Variants in RGS9 observed in about 807,000 individuals in gnomAD.
The protein encoded by RGS9 is regulator of G protein signaling 9.
RGS9 carries 78 observed loss-of-function variants against 102.0 expected under a neutral mutation model. That is an observed-to-expected ratio of 0.76 (90% CI 0.64 to 0.92). The LOEUF (loss-of-function observed/expected upper bound fraction) is 0.92. RGS9 is among the 40% of genes least tolerant of loss of function. The pLI is 0.00. For synonymous variants in RGS9, 353 were observed against 318.6 expected, an observed-to-expected ratio of 1.11 and a Z score of -1.15; for missense variants, 833 against 866.1, an observed-to-expected ratio of 0.96 and a Z score of 0.48.
chr17:65,148,915 T>C (rs1169894578), intron 1 of RGS9, among the ~76,000 whole-genome samples: 1 of 152,150 alleles, frequency 6.6e-6, no homozygotes, highest in Non-Finnish European at 1.5e-5. Context: ...CTTAATCTCA[T>C]TTAGTCTTTG....
chr17:65,227,176 C>G (rs1905725579), intron 18 of RGS9, 99 bp from the exon 19 acceptor site: 1 of 1,549,352 alleles, frequency 6.5e-7, no homozygotes, highest in South Asian at 1.1e-5. Context: ...GGCAAATGCA[C>G]CTGGTATGTT....
At chr17:65,187,757 G>A (rs1183737942) in intron 9 of RGS9, among the ~76,000 whole-genome samples, 2 of 152,196 alleles carry the variant, frequency 1.3e-5, no homozygotes, top group Admixed American at 6.5e-5. Flanking sequence ...CAGCACTTTC[G>A]GAGGCCAAGG....
chr17:65,193,268 A>AG (rs968670863), intron 11 of RGS9, among the ~76,000 whole-genome samples: 14 of 151,670 alleles, frequency 9.2e-5, no homozygotes, highest in African/African-American at 3.4e-4. Context: ...AAAAAAAAAA[A>AG]AAGAAAAAAA....
intron 8 of RGS9, among the ~76,000 whole-genome samples, chr17:65,172,144 A>G (rs181268270): frequency 2.6e-4 from 40 of 152,360 alleles, no homozygotes; most frequent in African/African-American, 8.9e-4. Flanking sequence ...AGCTATTCAA[A>G]TAATATTTTC....
chr17:65,196,678 A>C, intron 12 of RGS9, among the ~76,000 whole-genome samples: 1 of 149,916 alleles, frequency 6.7e-6, no homozygotes, highest in Non-Finnish European at 1.5e-5. Flanking sequence ...GTGCCATGGT[A>C]GGGGGGCAGC....
chr17:65,160,443 G>A (rs1326755528), intron 4 of RGS9, 93 bp from the exon 5 acceptor site: 18 of 1,571,748 alleles, frequency 1.1e-5, no homozygotes, highest in Non-Finnish European at 1.4e-5. Context: ...TGGTGGAGGG[G>A]GCCAAGGTGG....
At chr17:65,197,805 C>T (rs960350607) in intron 13 of RGS9, among the ~76,000 whole-genome samples, 5 of 151,308 alleles carry the variant, frequency 3.3e-5, no homozygotes, top group Admixed American at 6.6e-5. Context: ...AAGTAGCTGG[C>T]GTTACAGGTG....
At chr17:65,193,816 C>T (rs1004362354) in intron 12 of RGS9, among the ~76,000 whole-genome samples, 160 bp downstream of exon 12, 3 of 152,084 alleles carry the variant, frequency 2.0e-5, no homozygotes, top group African/African-American at 7.2e-5. Context: ...AAAAAAGAAA[C>T]CCTGGACGCC....
chr17:65,186,080 C>A (rs1297795995), intron 9 of RGS9, among the ~76,000 whole-genome samples: 1 of 152,116 alleles, frequency 6.6e-6, no homozygotes, highest in Non-Finnish European at 1.5e-5. Context: ...CGATTCTGCA[C>A]CATCATGAGT....
chr17:65,201,760 A>T (rs1912856794), intron 13 of RGS9, among the ~76,000 whole-genome samples: 3 of 152,170 alleles, frequency 2.0e-5, no homozygotes, highest in Non-Finnish European at 4.4e-5. Flanking sequence ...TTGAGCAATT[A>T]CTAAGTTCCC....
intron 12 of RGS9, 137 bp downstream of exon 12, chr17:65,193,793 A>C: frequency 1.5e-6 from 1 of 666,658 alleles, no homozygotes; most frequent in South Asian, 1.7e-5. Flanking sequence ...ATTTTAAAAC[A>C]TGTTCATTAC....
At chr17:65,162,009 T>C (rs1216821821) in intron 6 of RGS9, among the ~76,000 whole-genome samples, 2 of 152,178 alleles carry the variant, frequency 1.3e-5, no homozygotes, top group East Asian at 1.9e-4. Flanking sequence ...CGTGTTTTTA[T>C]TCTTACAAAC....
At chr17:65,202,944 A>G (rs74695912) in intron 14 of RGS9, among the ~76,000 whole-genome samples, 13,001 of 152,174 alleles carry the variant, frequency 0.085, 933 homozygotes, top group African/African-American at 0.19. Context: ...CAGCATTGTT[A>G]GTTCATACTC....
rs1394780238 is a variant in RGS9, at chr17:65,225,230, A to T, written c.1636A>T (p.Met546Leu). 1 of 1,611,654 alleles carries T rather than the reference A, an allele frequency of 6.2e-7. No homozygotes were observed. The highest frequency in any genetic ancestry group is 1.7e-5 in the Admixed American group (1 of 60,032). ...GCAGAAAGGGGAGTGCAGCGGGTCC[A>T]TGGCCCCCCGTGGGCCCTCTGTCAC... ...LEQKGECSGSMAPRGPSVTES... is the reference protein window; with the variant it reads ...LEQKGECSGSLAPRGPSVTES... Residue 546 changes from methionine (M) to leucine (L), a missense_variant, in exon 18 of 19, where the codon ATG becomes TTG. Coordinates refer to ENST00000262406, the MANE Select transcript of RGS9 (RefSeq NM_003835.4).
intron 2 of RGS9, among the ~76,000 whole-genome samples, chr17:65,154,798 G>A (rs1360890822): frequency 6.6e-6 from 1 of 152,250 alleles, no homozygotes; most frequent in African/African-American, 2.4e-5. Context: ...CGTATTGCCT[G>A]CAGAAGCAGA....
At chr17:65,190,082 TG>T in intron 10 of RGS9, 92 bp from the exon 11 acceptor site, 1 of 1,020,908 alleles carries the variant, frequency 9.8e-7, no homozygotes, top group Non-Finnish European at 1.6e-6. Context: ...GATGTGGCTC[TG>T]GGTAAATGGC....
At chr17:65,198,392 A>T (rs1221888686) in intron 13 of RGS9, among the ~76,000 whole-genome samples, 1 of 151,964 alleles carries the variant, frequency 6.6e-6, no homozygotes, top group East Asian at 1.9e-4. Flanking sequence ...AGTAGCTGGG[A>T]CTATAGGCAC....
At chr17:65,194,956 C>A (rs559668221) in intron 12 of RGS9, among the ~76,000 whole-genome samples, 5 of 152,350 alleles carry the variant, frequency 3.3e-5, no homozygotes, top group African/African-American at 7.2e-5. Context: ...CCGCTCTGGG[C>A]AGCCAACAGG....
chr17:65,206,046 G>GTGTGATATAGGTTA (rs1457795997), intron 15 of RGS9, among the ~76,000 whole-genome samples: 1 of 152,024 alleles, frequency 6.6e-6, no homozygotes, highest in Non-Finnish European at 1.5e-5. Flanking sequence ...GATATAGGCT[G>GTGTGATATAGGTTA]TGTGATATAG....
Sources: allele counts gnomAD v4.1 joint callset (sites outside exome capture counted in the v4.1 genomes callset), GRCh38; gene constraint gnomAD v4.1.1; transcripts MANE v1.5; gene names NCBI Gene and HGNC (gene_info 2026-07-23, HGNC 2026-07-21).